Variants in AHCYL2 observed in about 807,000 individuals in gnomAD.
AHCYL2 encodes S-adenosylhomocysteine hydrolase-like protein 2.
A neutral mutation model predicts 81.4 loss-of-function variants in AHCYL2; 28 were observed. The observed-to-expected ratio is 0.34, with a 90% CI of 0.25 to 0.47. AHCYL2 has a LOEUF of 0.47. Ranked by LOEUF, AHCYL2 falls within the 20% of genes least tolerant of loss-of-function variation. The pLI is 1.00. For synonymous variants in AHCYL2, 272 were observed against 290.2 expected (o/e 0.94, Z 0.64); for missense variants, 551 against 785.1 (o/e 0.70, Z 3.56).
chr7:129,331,118 T>C (rs543742570), intron 1 of AHCYL2, among the ~76,000 whole-genome samples: 19 of 152,294 alleles, frequency 1.2e-4, no homozygotes, highest in African/African-American at 4.3e-4. Flanking sequence ...AATCCTATAT[T>C]TTTTCATTCT....
At chr7:129,331,699 A>T (rs773192243) in intron 1 of AHCYL2, among the ~76,000 whole-genome samples, 3 of 150,820 alleles carry the variant, frequency 2.0e-5, no homozygotes, top group African/African-American at 7.3e-5. Flanking sequence ...AAAATTAGCC[A>T]GGCGAGGTAG....
chr7:129,414,514 G>A (rs1796752695), intron 12 of AHCYL2, among the ~76,000 whole-genome samples: 2 of 145,090 alleles, frequency 1.4e-5, no homozygotes, highest in South Asian at 2.2e-4. Context: ...TCTGCCTCCT[G>A]GGTTCAAGCG....
At chr7:129,333,919 A>G (rs1798507608) in intron 1 of AHCYL2, among the ~76,000 whole-genome samples, 1 of 152,238 alleles carries the variant, frequency 6.6e-6, no homozygotes, top group Non-Finnish European at 1.5e-5. Context: ...GTCTAATTAT[A>G]CACATATGAG....
At chr7:129,416,468 T>G (rs118048863) in intron 12 of AHCYL2, among the ~76,000 whole-genome samples, 4,723 of 152,140 alleles carry the variant, frequency 0.031, 91 homozygotes, top group Middle Eastern at 0.082. Context: ...GAGCACTGGA[T>G]TATAATTTGA....
At chr7:129,364,527 G>A (rs929312963) in intron 1 of AHCYL2, among the ~76,000 whole-genome samples, 1 of 152,170 alleles carries the variant, frequency 6.6e-6, no homozygotes, top group Non-Finnish European at 1.5e-5. Flanking sequence ...CTGACTTCAG[G>A]TGATCTGCCC....
intron 1 of AHCYL2, among the ~76,000 whole-genome samples, chr7:129,266,592 A>G (rs568092518): frequency 3.2e-4 from 49 of 152,342 alleles, no homozygotes; most frequent in African/African-American, 1.1e-3. Context: ...ACTGAGATCT[A>G]GATAGCATAA....
intron 1 of AHCYL2, among the ~76,000 whole-genome samples, chr7:129,343,009 G>A (rs1464394494): frequency 6.6e-6 from 1 of 151,994 alleles, no homozygotes; most frequent in Non-Finnish European, 1.5e-5. Context: ...CCTTTATATA[G>A]GGAAGTATAC....
At chr7:129,348,712 G>A (rs1240852847) in intron 1 of AHCYL2, among the ~76,000 whole-genome samples, 2 of 152,174 alleles carry the variant, frequency 1.3e-5, no homozygotes, top group African/African-American at 4.8e-5. Context: ...GCCGTTGTTT[G>A]TCCCTTCCCC....
intron 1 of AHCYL2, among the ~76,000 whole-genome samples, chr7:129,263,157 T>C (rs1356178889): frequency 6.6e-6 from 1 of 152,234 alleles, no homozygotes; most frequent in African/African-American, 2.4e-5. Flanking sequence ...ACAGTCCCCA[T>C]ATTTTAGTGG....
chr7:129,257,594 T>C (rs1795471561), intron 1 of AHCYL2, among the ~76,000 whole-genome samples: 1 of 152,222 alleles, frequency 6.6e-6, no homozygotes, highest in African/African-American at 2.4e-5. Flanking sequence ...AATCAGATTA[T>C]GCATTATGTA....
intron 1 of AHCYL2, among the ~76,000 whole-genome samples, chr7:129,378,089 G>A (rs1584851808): frequency 1.3e-5 from 2 of 152,248 alleles, no homozygotes; most frequent in South Asian, 4.1e-4. Flanking sequence ...CAAGGCAGGT[G>A]GATCACAAGG....
At position 129,342,566 on chromosome 7, in the gene AHCYL2, G is replaced by A. The variant is rs528278062; in HGVS notation, c.364-37072G>A. On this transcript the variant is annotated intron_variant, in intron 1 of 16. Coordinates refer to ENST00000325006, the MANE Select transcript of AHCYL2 (RefSeq NM_015328.4). The stretch of plus-strand genomic sequence containing the variant: ...GCGGCTATGTAGCTTTGTACCTTGA[G>A]GGACTTAACAAGGGTTAATTATAAT... 5.3e-5 allele frequency among the ~76,000 whole-genome samples: 8 copies of A among 152,264 alleles called. No homozygotes were observed. In the South Asian group the frequency reaches 1.0e-3, roughly 20 times the overall value.
At chr7:129,321,755 T>G (rs1304582029) in intron 1 of AHCYL2, among the ~76,000 whole-genome samples, 2 of 147,026 alleles carry the variant, frequency 1.4e-5, no homozygotes, top group African/African-American at 4.9e-5. Flanking sequence ...TTTTTTTTTT[T>G]TTTTTTTTTG....
At chr7:129,241,981 C>T (rs1004915696) in intron 1 of AHCYL2, among the ~76,000 whole-genome samples, 4 of 150,056 alleles carry the variant, frequency 2.7e-5, no homozygotes, top group African/African-American at 9.8e-5. Context: ...TTTATAACTC[C>T]CCTTCATGTT....
chr7:129,278,517 T>A (rs1467812059), intron 1 of AHCYL2, among the ~76,000 whole-genome samples: 2 of 152,198 alleles, frequency 1.3e-5, no homozygotes, highest in Non-Finnish European at 2.9e-5. Context: ...TTATTTTTTT[T>A]ATTCTCTTCA....
intron 1 of AHCYL2, among the ~76,000 whole-genome samples, chr7:129,314,577 T>C (rs769618820): frequency 1.3e-5 from 2 of 152,208 alleles, no homozygotes; most frequent in Non-Finnish European, 2.9e-5. Context: ...GCCATGTCCT[T>C]GCATAGTGGA....
intron 1 of AHCYL2, among the ~76,000 whole-genome samples, chr7:129,345,295 C>A (rs1793323535): frequency 6.6e-6 from 1 of 152,098 alleles, no homozygotes; most frequent in Non-Finnish European, 1.5e-5. Flanking sequence ...AGTAAGTCTG[C>A]CACCTGAAGG....
intron 1 of AHCYL2, among the ~76,000 whole-genome samples, chr7:129,295,527 C>T (rs1797022610): frequency 6.6e-6 from 1 of 152,116 alleles, no homozygotes; most frequent in African/African-American, 2.4e-5. Flanking sequence ...ACTGAGACCC[C>T]ATCTAGTCAT....
intron 1 of AHCYL2, among the ~76,000 whole-genome samples, chr7:129,284,676 G>T (rs1333529417): frequency 1.3e-5 from 2 of 151,798 alleles, no homozygotes; most frequent in African/African-American, 4.8e-5. Flanking sequence ...ACATATGGGA[G>T]TATGAAGATA....
Sources: gnomAD v4.1 joint callset for allele counts (sites outside exome capture counted in the v4.1 genomes callset) on GRCh38, gnomAD v4.1.1 for gene constraint, MANE v1.5 for transcripts, NCBI Gene and HGNC (gene_info 2026-07-23, HGNC 2026-07-21) for gene names.